Variants in CSGALNACT1 observed in about 807,000 individuals in gnomAD.
CSGALNACT1 encodes beta4GalNAcT-1.
CSGALNACT1 carries 52 observed loss-of-function variants against 51.0 expected under a neutral mutation model. The ratio of observed to expected loss-of-function variants is 1.02; its 90% CI spans 0.82 to 1.29. The LOEUF (loss-of-function observed/expected upper bound fraction) is 1.29, where lower values mean the gene tolerates loss of function less well. Among genes scored for constraint, CSGALNACT1 ranks in the 50% most tolerant of loss-of-function variants. The probability of loss-of-function intolerance (pLI) is 0.00; values close to 1 mark genes in which losing one functional copy is unlikely to be tolerated. For missense variants in CSGALNACT1, 935 were observed against 679.2 expected, an observed-to-expected ratio of 1.38 and a Z score of -4.19; for synonymous variants, 341 against 254.4, an observed-to-expected ratio of 1.34 and a Z score of -3.24.
At chr8:19,675,469 G>A (rs1401839386) in intron 1 of CSGALNACT1, among the ~76,000 whole-genome samples, 2 of 152,080 alleles carry the variant, frequency 1.3e-5, no homozygotes, top group Non-Finnish European at 2.9e-5. Flanking sequence ...GAGCTGGAGA[G>A]AGAGATCCTC....
chr8:19,474,732 G>C (rs900966376), intron 4 of CSGALNACT1, among the ~76,000 whole-genome samples: 6 of 151,916 alleles, frequency 3.9e-5, no homozygotes, highest in Admixed American at 2.0e-4. Flanking sequence ...GCCAGGTGTG[G>C]TGGCACAGGC....
At chr8:19,690,692 C>G (rs140295915) in intron 1 of CSGALNACT1, among the ~76,000 whole-genome samples, 12 of 152,104 alleles carry the variant, frequency 7.9e-5, no homozygotes, top group Admixed American at 6.5e-4. Flanking sequence ...GGAGCAATAA[C>G]GATACTCTGA....
rs79840968 is a variant in CSGALNACT1 at position 19,716,394 on chromosome 8, T to C, written c.-297+41456A>G. Among the ~76,000 whole-genome samples, 390 of 152,192 alleles carry C rather than the reference T, an allele frequency of 2.6e-3. 2 individuals are homozygous for C. The highest frequency in any genetic ancestry group is 4.4e-3 in the South Asian group (21 of 4,818). On this transcript the variant is annotated intron_variant, in intron 1 of 1. Coordinates refer to the CSGALNACT1 transcript ENST00000517494. ...TTGTCAATCTTGGCTTTTTATTACATATTTGTTCTATACATGGTTTATCTT... is the reference window on the plus strand; with the variant it reads ...TTGTCAATCTTGGCTTTTTATTACACATTTGTTCTATACATGGTTTATCTT...
At chr8:19,756,886 G>C (rs1025570710) in intron 1 of CSGALNACT1, among the ~76,000 whole-genome samples, 1 of 152,146 alleles carries the variant, frequency 6.6e-6, no homozygotes, top group East Asian at 1.9e-4. Context: ...CCCCGGGAGC[G>C]CAGCGGCCCC....
At chr8:19,440,021 G>C in intron 5 of CSGALNACT1, 90 bp from the exon 5 acceptor site, 2 of 1,080,838 alleles carry the variant, frequency 1.9e-6, no homozygotes. Flanking sequence ...GTGCAAAAGG[G>C]TCTTGAAGGA....
chr8:19,541,798 C>G (rs150675738), intron 3 of CSGALNACT1, among the ~76,000 whole-genome samples: 1 of 151,894 alleles, frequency 6.6e-6, no homozygotes, highest in Non-Finnish European at 1.5e-5. Flanking sequence ...TGTAATAAAA[C>G]ATGTAATTCT....
At chr8:19,585,583 C>A (rs1021445308) in intron 3 of CSGALNACT1, among the ~76,000 whole-genome samples, 1 of 152,072 alleles carries the variant, frequency 6.6e-6, no homozygotes, top group Non-Finnish European at 1.5e-5. Flanking sequence ...TGTGATACAC[C>A]CCTTTACTAT....
chr8:19,617,689 T>C (rs192179540), intron 1 of CSGALNACT1, among the ~76,000 whole-genome samples: 2 of 152,330 alleles, frequency 1.3e-5, no homozygotes, highest in Non-Finnish European at 2.9e-5. Flanking sequence ...GGCAGACTCA[T>C]GGGAGTAGCT....
At chr8:19,455,213 G>A (rs950268714) in intron 5 of CSGALNACT1, among the ~76,000 whole-genome samples, 1 of 152,094 alleles carries the variant, frequency 6.6e-6, no homozygotes, top group African/African-American at 2.4e-5. Context: ...AAACTAAAAA[G>A]TCATGTTTAA....
At chr8:19,524,058 C>T (rs1227808423) in intron 3 of CSGALNACT1, among the ~76,000 whole-genome samples, 1 of 152,186 alleles carries the variant, frequency 6.6e-6, no homozygotes, top group Non-Finnish European at 1.5e-5. Flanking sequence ...CTGTGGGAAG[C>T]TGAGGTGGGG....
At chr8:19,526,681 G>A (rs764725082) in intron 3 of CSGALNACT1, among the ~76,000 whole-genome samples, 2 of 152,014 alleles carry the variant, frequency 1.3e-5, no homozygotes, top group African/African-American at 2.4e-5. Flanking sequence ...ATCCAATGGC[G>A]ATCAATCAGA....
chr8:19,496,258 T>C (rs1490824457), intron 4 of CSGALNACT1, among the ~76,000 whole-genome samples: 1 of 152,226 alleles, frequency 6.6e-6, no homozygotes, highest in Non-Finnish European at 1.5e-5. Context: ...TTTCTTTAAA[T>C]CACCACCATA....
chr8:19,715,521 G>C (rs1371918668), intron 1 of CSGALNACT1, among the ~76,000 whole-genome samples: 1 of 152,140 alleles, frequency 6.6e-6, no homozygotes, highest in Non-Finnish European at 1.5e-5. Flanking sequence ...TCTTTATCCA[G>C]TCTACTGTTG....
intron 1 of CSGALNACT1, among the ~76,000 whole-genome samples, chr8:19,634,138 A>G (rs1234216739): frequency 6.6e-6 from 1 of 152,250 alleles, no homozygotes; most frequent in East Asian, 1.9e-4. Flanking sequence ...TAAACCTAGG[A>G]CACTTTACGT....
chr8:19,701,092 A>G (rs2061840350), intron 1 of CSGALNACT1, among the ~76,000 whole-genome samples: 1 of 149,718 alleles, frequency 6.7e-6, no homozygotes, highest in Non-Finnish European at 1.5e-5. Flanking sequence ...CTGGAGCTGC[A>G]GCAATCATCT....
At chr8:19,418,410 A>T (rs1044625092) in intron 8 of CSGALNACT1, among the ~76,000 whole-genome samples, 1 of 152,176 alleles carries the variant, frequency 6.6e-6, no homozygotes, top group East Asian at 1.9e-4. Context: ...CAGTGATGGA[A>T]ACTATGAAGG....
chr8:19,746,652 T>C (rs189120081), intron 1 of CSGALNACT1, among the ~76,000 whole-genome samples: 1 of 152,354 alleles, frequency 6.6e-6, no homozygotes, highest in Non-Finnish European at 1.5e-5. Context: ...TCTGTTGATA[T>C]ATTTTTGCTA....
At position 19,656,597 on chromosome 8, in the gene CSGALNACT1, C is replaced by T. The variant is rs920088628; in HGVS notation, c.-544+25876G>A. Among the ~76,000 whole-genome samples the T allele has an allele frequency of 3.8e-5, 4 of 106,536 alleles. 1 individual carries two copies. In the South Asian group the frequency reaches 8.7e-4, roughly 23 times the overall value. 69.9% of individuals were successfully genotyped at this position (106,536 alleles called of 152,430 possible). ...AAGAACCAGGAGAAACTACGCCCCC[C>T]CCCCACACACACACACGAGATCAGC... is the stretch of plus-strand genomic sequence containing the variant. On this transcript the variant is annotated intron_variant, in intron 1 of 9. Transcript: ENST00000332246.
intron 3 of CSGALNACT1, among the ~76,000 whole-genome samples, chr8:19,526,967 T>C (rs759238016): frequency 3.3e-5 from 5 of 152,230 alleles, no homozygotes; most frequent in African/African-American, 4.8e-5. Flanking sequence ...TAAAGTCTCA[T>C]TCAGGATCTT....
Sources: gnomAD v4.1 joint callset for allele counts (sites outside exome capture counted in the v4.1 genomes callset) on GRCh38, gnomAD v4.1.1 for gene constraint, MANE v1.5 for transcripts, NCBI Gene and HGNC (gene_info 2026-07-23, HGNC 2026-07-21) for gene names.